Variants in CLSTN2 observed in about 807,000 individuals in gnomAD.
CLSTN2 encodes the protein calsyntenin-2.
Under a neutral mutation model 101.2 loss-of-function variants are expected in CLSTN2, and 48 were observed. That is an observed-to-expected ratio of 0.47 (90% CI 0.38 to 0.60). The LOEUF is 0.60. CLSTN2 is among the 20% of genes least tolerant of loss of function. The probability of loss-of-function intolerance (pLI) is 0.00; values close to 1 mark genes in which losing one functional copy is unlikely to be tolerated. For missense variants in CLSTN2, 1,160 were observed against 1,238.2 expected, an observed-to-expected ratio of 0.94 and a Z score of 0.95; for synonymous variants, 481 against 463.6, an observed-to-expected ratio of 1.04 and a Z score of -0.48.
intron 1 of CLSTN2, among the ~76,000 whole-genome samples, chr3:139,999,264 C>T (rs895031700): frequency 1.7e-4 from 26 of 149,034 alleles, no homozygotes; most frequent in African/African-American, 5.4e-4. Flanking sequence ...CTCCCTCCCT[C>T]CCTTTCCAGT....
At chr3:140,278,928 C>T (rs1185553652) in intron 2 of CLSTN2, among the ~76,000 whole-genome samples, 3 of 152,118 alleles carry the variant, frequency 2.0e-5, no homozygotes, top group Non-Finnish European at 4.4e-5. Context: ...ACTATGTTTC[C>T]TGGACTGGTC....
intron 5 of CLSTN2, among the ~76,000 whole-genome samples, chr3:140,424,497 G>A (rs560918210): frequency 2.0e-5 from 3 of 152,242 alleles, no homozygotes; most frequent in South Asian, 4.2e-4. Context: ...CCCTGGTCAG[G>A]GCTGCAGCCT....
intron 1 of CLSTN2, among the ~76,000 whole-genome samples, chr3:140,067,767 T>C (rs1182557688): frequency 6.6e-6 from 1 of 152,240 alleles, no homozygotes; most frequent in African/African-American, 2.4e-5. Flanking sequence ...TCTATCGTTT[T>C]GATGCTGATA....
intron 1 of CLSTN2, among the ~76,000 whole-genome samples, chr3:139,967,605 T>C (rs2107817395): frequency 6.6e-6 from 1 of 152,356 alleles, no homozygotes; most frequent in South Asian, 2.1e-4. Context: ...GTGTTTTCTC[T>C]GTATTATTTT....
chr3:140,349,330 G>C (rs2087582711), intron 2 of CLSTN2, among the ~76,000 whole-genome samples: 1 of 152,136 alleles, frequency 6.6e-6, no homozygotes, highest in Non-Finnish European at 1.5e-5. Flanking sequence ...ATGGTTGACT[G>C]TTTTCTTCAT....
intron 1 of CLSTN2, among the ~76,000 whole-genome samples, chr3:139,952,465 C>CA (rs1406282730): frequency 6.6e-6 from 1 of 151,138 alleles, no homozygotes; most frequent in African/African-American, 2.4e-5. Context: ...GTTTTTTGCC[C>CA]CTACATTGGT....
At chr3:140,323,568 A>T (rs752053453) in intron 2 of CLSTN2, among the ~76,000 whole-genome samples, 6 of 152,168 alleles carry the variant, frequency 3.9e-5, no homozygotes, top group Non-Finnish European at 7.3e-5. Context: ...TCCCAGTTCC[A>T]TGATCTGGGG....
intron 2 of CLSTN2, among the ~76,000 whole-genome samples, chr3:140,236,873 T>C (rs902350185): frequency 5.4e-5 from 7 of 130,560 alleles, no homozygotes; most frequent in Non-Finnish European, 1.2e-4. Flanking sequence ...GTATATAAAT[T>C]TCACTGTCTT....
At chr3:140,433,229 GT>G (rs2088653024) in intron 5 of CLSTN2, among the ~76,000 whole-genome samples, 1 of 152,246 alleles carries the variant, frequency 6.6e-6, no homozygotes, top group South Asian at 2.1e-4. Context: ...ACCATGGCTT[GT>G]GGATGGTGGA....
At chr3:140,451,794 C>A (rs1319042435) in intron 6 of CLSTN2, among the ~76,000 whole-genome samples, 1 of 152,164 alleles carries the variant, frequency 6.6e-6, no homozygotes, top group African/African-American at 2.4e-5. Flanking sequence ...GGATGGTAGA[C>A]AAGCTTCTTG....
Position 140,569,259 on chromosome 3 carries a change from C to T in CLSTN2, c.*3006C>T, listed in dbSNP as rs78655401. On this transcript the variant is annotated 3_prime_UTR_variant, in exon 17 of 17. Coordinates refer to ENST00000458420, the MANE Select transcript of CLSTN2 (RefSeq NM_022131.3). ...ATGCTGGCATCCAGGAACCAAAACC[C>T]CTGAAGGCCTAGACACCCTATGACC... The T allele has an allele frequency of 0.026, 4,021 of 152,344 alleles. 173 individuals carry two copies. The highest frequency in any genetic ancestry group is 0.09 in the African/African-American group (3,747 of 41,522). The allele number at this position is 152,344 out of a possible 1,614,324, so 9.4% of individuals were successfully genotyped here. A position where few individuals can be genotyped will look rare whatever the true frequency, so the allele number is the denominator to read the frequency against.
intron 2 of CLSTN2, among the ~76,000 whole-genome samples, chr3:140,310,814 G>T (rs1308124328): frequency 2.6e-5 from 4 of 152,160 alleles, no homozygotes; most frequent in African/African-American, 9.7e-5. Context: ...ACTAAATATT[G>T]TCTATTATCT....
chr3:140,166,118 A>G (rs1559795644), intron 1 of CLSTN2, among the ~76,000 whole-genome samples: 1 of 152,198 alleles, frequency 6.6e-6, no homozygotes, highest in African/African-American at 2.4e-5. Flanking sequence ...CTAAACTTTG[A>G]GTGCTGATTG....
At chr3:140,416,156 T>C (rs113513388) in intron 4 of CLSTN2, among the ~76,000 whole-genome samples, 54 of 152,234 alleles carry the variant, frequency 3.5e-4, no homozygotes, top group African/African-American at 1.3e-3. Context: ...TCTTAAAAGG[T>C]TGAACTCACA....
chr3:139,967,783 A>G (rs1935626831), intron 1 of CLSTN2, among the ~76,000 whole-genome samples: 1 of 152,228 alleles, frequency 6.6e-6, no homozygotes, highest in Non-Finnish European at 1.5e-5. Flanking sequence ...CATACCAAAT[A>G]GCTATTTAAA....
At chr3:140,212,313 A>G (rs1461465563) in intron 2 of CLSTN2, among the ~76,000 whole-genome samples, 1 of 152,246 alleles carries the variant, frequency 6.6e-6, no homozygotes, top group Non-Finnish European at 1.5e-5. Flanking sequence ...CTGGTGACTG[A>G]TGACAGAAAG....
rs184647478 is a variant in CLSTN2 at position 140,275,217 on chromosome 3, G to A, written c.232+99144G>A. Among the ~76,000 whole-genome samples the A allele has an allele frequency of 5.6e-3, 844 of 151,950 alleles. 14 individuals carry two copies. The highest frequency in any genetic ancestry group is 0.02 in the Middle Eastern group (6 of 294). On this transcript the variant is annotated intron_variant, in intron 2 of 16. Transcript: ENST00000458420. ...GAACTCCACCTGAAATCACATCCTT[G>A]TTTGACTTCCTCTTTTCCCTGTCCC...
intron 8 of CLSTN2, among the ~76,000 whole-genome samples, chr3:140,482,507 A>T (rs549210603): frequency 2.0e-5 from 3 of 152,290 alleles, no homozygotes; most frequent in African/African-American, 4.8e-5. Context: ...TGGAAGTTTC[A>T]GAAGGAATGG....
chr3:139,970,172 A>G (rs1321557330), intron 1 of CLSTN2, among the ~76,000 whole-genome samples: 1 of 152,162 alleles, frequency 6.6e-6, no homozygotes. Flanking sequence ...AATTTTTAAA[A>G]GCTGCTCAGA....
Sources: gnomAD v4.1 joint callset for allele counts (sites outside exome capture counted in the v4.1 genomes callset) on GRCh38, gnomAD v4.1.1 for gene constraint, MANE v1.5 for transcripts, NCBI Gene and HGNC (gene_info 2026-07-23, HGNC 2026-07-21) for gene names.